GTPBP10: variants seen among roughly 807,000 people sequenced by gnomAD.
GTPBP10 encodes GTP binding protein 10, also known as GTP-binding protein 10.
Under a neutral mutation model 44.8 loss-of-function variants are expected in GTPBP10, and 38 were observed. That is an observed-to-expected ratio of 0.85 (90% CI 0.65 to 1.11). GTPBP10 has a LOEUF of 1.11. Among genes scored for constraint, GTPBP10 ranks in the 50% most tolerant of loss-of-function variants. The pLI is 0.00. For missense variants in GTPBP10, 462 were observed against 453.7 expected (o/e 1.02, Z -0.17); for synonymous variants, 152 against 150.6 (o/e 1.01, Z -0.07).
intron 4 of GTPBP10, among the ~76,000 whole-genome samples, chr7:90,360,552 A>G (rs927179237): frequency 4.6e-5 from 7 of 152,172 alleles, no homozygotes; most frequent in Admixed American, 4.6e-4. Flanking sequence ...GCCTTGTAGT[A>G]TAGTTTGAAG....
intron 7 of GTPBP10, chr7:90,377,917 A>G (rs1039770444): frequency 2.3e-6 from 1 of 432,746 alleles, no homozygotes; most frequent in African/African-American, 2.1e-5. Flanking sequence ...AAATTGTCTT[A>G]TCCTAGTTTT....
rs1795823139 is a variant in GTPBP10 at position 90,352,980 on chromosome 7, G to A, written c.198G>A (p.Arg66=). 6.2e-7 allele frequency: 1 copy of A among 1,608,640 alleles called. No individual in the cohort carries two copies. Among genetic ancestry groups the A allele is most frequent in the Non-Finnish European group, 8.5e-7 (1 of 1,176,854 alleles). The change falls in exon 2 of 10, where the codon CGG becomes CGA. Residue 66 remains arginine (R), a synonymous_variant. Coordinates refer to ENST00000222511, the MANE Select transcript of GTPBP10 (RefSeq NM_033107.4). ...KQLKDRYPRK[R]FVAGVGANSK... is the part of the protein sequence containing the mutation. ...TTAAAGACAGGTATCCTCGGAAACG[G>A]TTTGTGGCTGGAGTAGGAGCAAACA...
chr7:90,357,856 A>G (rs1042770956), intron 4 of GTPBP10, among the ~76,000 whole-genome samples: 2 of 152,158 alleles, frequency 1.3e-5, no homozygotes, highest in African/African-American at 4.8e-5. Context: ...TAAAATGAGC[A>G]TGTATTTTAT....
At chr7:90,368,142 A>G (rs542949011) in intron 4 of GTPBP10, among the ~76,000 whole-genome samples, 3 of 152,332 alleles carry the variant, frequency 2.0e-5, no homozygotes, top group Non-Finnish European at 4.4e-5. Context: ...GTTTCTGCCA[A>G]GAGATCCACT....
intron 7 of GTPBP10, chr7:90,377,878 TAG>T (rs1291507024): frequency 3.6e-5 from 12 of 333,808 alleles, no homozygotes; most frequent in Non-Finnish European, 5.1e-5. Flanking sequence ...CTGATGATGC[TAG>T]AGTTATATAT....
intron 1 of GTPBP10, among the ~76,000 whole-genome samples, chr7:90,350,978 G>T (rs1795779416): frequency 6.6e-6 from 1 of 152,184 alleles, no homozygotes; most frequent in Non-Finnish European, 1.5e-5. Flanking sequence ...GATGAAAAAT[G>T]CAAGAGAACT....
chr7:90,358,341 A>G (rs539412771), intron 4 of GTPBP10, among the ~76,000 whole-genome samples: 3 of 152,232 alleles, frequency 2.0e-5, no homozygotes, highest in Non-Finnish European at 4.4e-5. Context: ...ACAAATCTAG[A>G]GGAATCATAT....
Position 90,388,207 on chromosome 7 carries a change from A to T in GTPBP10, c.*3053A>T, listed in dbSNP as rs1194503808. On this transcript the variant is annotated 3_prime_UTR_variant, in exon 10 of 10. Transcript: ENST00000222511. ...CAGATTCCTTTTTTATCTTATAAAAAATAATTTTGAAACAAAGACTTATTT... is the reference window on the plus strand; with the variant it reads ...CAGATTCCTTTTTTATCTTATAAAATATAATTTTGAAACAAAGACTTATTT... 1 of 152,232 alleles carries T rather than the reference A, an allele frequency of 6.6e-6. No individual in the cohort carries two copies. Among genetic ancestry groups the T allele is most frequent in the African/African-American group, 2.4e-5 (1 of 41,458 alleles). 9.4% of individuals were successfully genotyped at this position (152,232 alleles called of 1,614,324 possible).
intron 1 of GTPBP10, among the ~76,000 whole-genome samples, chr7:90,347,173 G>C (rs1484587599): frequency 6.6e-6 from 1 of 152,152 alleles, no homozygotes; most frequent in Non-Finnish European, 1.5e-5. Context: ...AGACACGAAA[G>C]CGTGTAATTG....
At position 90,387,874 on chromosome 7, in the gene GTPBP10, G is replaced by A. The variant is rs1796551360; in HGVS notation, c.*2720G>A. 1 of 152,176 alleles carries A rather than the reference G, an allele frequency of 6.6e-6. No homozygotes were observed. The highest frequency in any genetic ancestry group is 1.5e-5 in the Non-Finnish European group (1 of 68,030). 9.4% of individuals were successfully genotyped at this position (152,176 alleles called of 1,614,324 possible). A position where few individuals can be genotyped will look rare whatever the true frequency, so the allele number is the denominator to read the frequency against. ...GGTATGTTTTACATTTGTAACTTCA[G>A]TGCTATTTTTTTTTAAGCTCCATTG... On this transcript the variant is annotated 3_prime_UTR_variant, in exon 10 of 10. Coordinates refer to ENST00000222511, the MANE Select transcript of GTPBP10 (RefSeq NM_033107.4).
At chr7:90,352,488 T>C (rs931792397) in intron 1 of GTPBP10, among the ~76,000 whole-genome samples, 2 of 152,226 alleles carry the variant, frequency 1.3e-5, no homozygotes, top group African/African-American at 4.8e-5. Flanking sequence ...AGAAAATATC[T>C]CACCTAGGTG....
intron 4 of GTPBP10, among the ~76,000 whole-genome samples, chr7:90,361,773 G>T (rs2115665635): frequency 6.6e-6 from 1 of 152,156 alleles, no homozygotes; most frequent in African/African-American, 2.4e-5. Context: ...ACTTTTTTTG[G>T]TTGGTAGGCT....
rs536203434 is a variant in GTPBP10, at chr7:90,361,405, C to A, written c.464+6175C>A. Among the ~76,000 whole-genome samples the A allele has an allele frequency of 1.2e-4, 6 of 49,808 alleles. No individual in the cohort carries two copies. In the South Asian group the frequency reaches 6.7e-3, roughly 55 times the overall value. The allele number at this position is 49,808 out of a possible 152,430, so 32.7% of individuals were successfully genotyped here. The stretch of plus-strand genomic sequence containing the variant: ...ATTGAGATAATCATGTGGTTTTTGT[C>A]ATTGGTTCTGTTTATATGCTGGATT... On this transcript the variant is annotated intron_variant, in intron 4 of 9. Transcript: ENST00000222511.
intron 4 of GTPBP10, chr7:90,371,334 C>T (rs1047234218): frequency 5.5e-6 from 1 of 180,988 alleles, no homozygotes; most frequent in Non-Finnish European, 1.1e-5. Flanking sequence ...GAAAAGTGTT[C>T]ACCTTATATG....
chr7:90,382,835 G>T, intron 8 of GTPBP10, 121 bp from the exon 9 acceptor site: 2 of 553,996 alleles, frequency 3.6e-6, no homozygotes, highest in East Asian at 3.0e-5. Flanking sequence ...TCTGTTGTTG[G>T]GATTTATTGC....
intron 4 of GTPBP10, 36 bp from the exon 5 acceptor site, chr7:90,372,119 T>G: frequency 7.9e-7 from 1 of 1,268,776 alleles, no homozygotes; most frequent in Non-Finnish European, 1.1e-6. Context: ...GATAATAATA[T>G]TGACATTTGT....
At chr7:90,368,601 C>T (rs370283136) in intron 4 of GTPBP10, among the ~76,000 whole-genome samples, 11 of 152,104 alleles carry the variant, frequency 7.2e-5, no homozygotes, top group East Asian at 5.8e-4. Flanking sequence ...GAAGCTTGTG[C>T]GTGCGTCACG....
In GTPBP10 at chr7:90,367,685, A is replaced by T. The variant is rs542142628; in HGVS notation, c.465-4470A>T. 2.5e-4 allele frequency among the ~76,000 whole-genome samples: 38 copies of T among 152,254 alleles called. 1 individual carries two copies. In the South Asian group the frequency reaches 5.6e-3, roughly 22 times the overall value. ...GAGCCTGTGTGTGTCTTTGCACATG[A>T]GATGGGTCTCCTGAGTACAGTACAC... is the stretch of plus-strand genomic sequence containing the variant. On this transcript the variant is annotated intron_variant, in intron 4 of 9. Transcript: ENST00000222511.
At chr7:90,374,859 A>G (rs1009584212) in intron 6 of GTPBP10, among the ~76,000 whole-genome samples, 7 of 152,222 alleles carry the variant, frequency 4.6e-5, no homozygotes. Flanking sequence ...ATAATGTACA[A>G]TCTAGTAGTT....
Sources: gnomAD v4.1 joint callset for allele counts (sites outside exome capture counted in the v4.1 genomes callset) on GRCh38, gnomAD v4.1.1 for gene constraint, MANE v1.5 for transcripts, NCBI Gene and HGNC (gene_info 2026-07-23, HGNC 2026-07-21) for gene names.